NHLRC2: variants seen among roughly 807,000 people sequenced by gnomAD.
NHLRC2 encodes the protein NHL repeat-containing protein 2.
Under a neutral mutation model 68.1 loss-of-function variants are expected in NHLRC2, and 33 were observed. That is an observed-to-expected ratio of 0.48 (90% CI 0.37 to 0.65). The LOEUF is 0.65. Among genes scored for constraint, NHLRC2 ranks in the 30% least tolerant of loss-of-function variants. The pLI, the probability that NHLRC2 is intolerant of heterozygous loss-of-function variation, is 0.00. For synonymous variants in NHLRC2, 311 were observed against 309.6 expected (o/e 1.00, Z -0.05); for missense variants, 761 against 853.8 (o/e 0.89, Z 1.35).
chr10:113,891,520 C>T (rs1846131244), intron 5 of NHLRC2, among the ~76,000 whole-genome samples: 1 of 152,102 alleles, frequency 6.6e-6, no homozygotes. Context: ...TGAGCTGGGC[C>T]TTGGTTTTAT....
At chr10:113,881,174 G>A (rs1408189195) in intron 4 of NHLRC2, among the ~76,000 whole-genome samples, 1 of 151,866 alleles carries the variant, frequency 6.6e-6, no homozygotes, top group Non-Finnish European at 1.5e-5. Flanking sequence ...CTCTAATGGT[G>A]TATTGAATTA....
At chr10:113,894,191 G>A (rs1031823192) in intron 5 of NHLRC2, among the ~76,000 whole-genome samples, 11 of 152,152 alleles carry the variant, frequency 7.2e-5, no homozygotes, top group African/African-American at 2.7e-4. Context: ...AAAGGATGGA[G>A]TCCTTTTATT....
In NHLRC2 at chr10:113,882,829, T is replaced by A. The variant is rs181598282; in HGVS notation, c.910-1422T>A. On this transcript the variant is annotated intron_variant, in intron 4 of 10. Transcript: ENST00000369301. ...AAAAGTCTTTTAGTTATGGCTCTTA[T>A]AATTAGGTCTTTGATCCATTTTGAG... Among the ~76,000 whole-genome samples, 489 of 151,990 alleles carry A rather than the reference T, an allele frequency of 3.2e-3. 2 individuals carry two copies. Among genetic ancestry groups the A allele is most frequent in the African/African-American group, 0.011 (468 of 41,552 alleles).
At chr10:113,902,808 T>C (rs748576148) in intron 8 of NHLRC2, among the ~76,000 whole-genome samples, 6 of 152,206 alleles carry the variant, frequency 3.9e-5, no homozygotes, top group Non-Finnish European at 8.8e-5. Flanking sequence ...ACAGAACCAG[T>C]TCCAATGGCA....
chr10:113,875,952 A>G (rs1417523226), intron 2 of NHLRC2, among the ~76,000 whole-genome samples: 1 of 150,106 alleles, frequency 6.7e-6, no homozygotes, highest in Non-Finnish European at 1.5e-5. Context: ...GAAATAATGT[A>G]TTGATTAGAT....
At chr10:113,892,468 A>G (rs138117372) in intron 5 of NHLRC2, among the ~76,000 whole-genome samples, 18 of 152,198 alleles carry the variant, frequency 1.2e-4, no homozygotes, top group Non-Finnish European at 2.2e-4. Context: ...AGGTGTAAGT[A>G]TACTCTTAAT....
intron 5 of NHLRC2, among the ~76,000 whole-genome samples, chr10:113,897,446 A>G (rs922107210): frequency 7.2e-5 from 11 of 152,224 alleles, no homozygotes; most frequent in African/African-American, 2.7e-4. Flanking sequence ...TCCTAGTACA[A>G]ATATGTAAAA....
intron 2 of NHLRC2, among the ~76,000 whole-genome samples, chr10:113,874,805 G>A (rs1370727228): frequency 6.6e-6 from 1 of 151,556 alleles, no homozygotes; most frequent in Non-Finnish European, 1.5e-5. Flanking sequence ...CTGTCTTCAG[G>A]TTCATTAACC....
At chr10:113,868,002 A>G (rs971119419) in intron 2 of NHLRC2, among the ~76,000 whole-genome samples, 6 of 152,148 alleles carry the variant, frequency 3.9e-5, no homozygotes, top group African/African-American at 1.4e-4. Flanking sequence ...TTTGTTGGTT[A>G]GTCAGAGACA....
chr10:113,876,702 T>C lies in NHLRC2; in HGVS notation c.513T>C (p.Arg171=), dbSNP rs1317762838. The C allele has an allele frequency of 2.5e-6, 4 of 1,613,982 alleles. No individual in the cohort carries two copies. In the South Asian group the frequency reaches 4.4e-5, roughly 18 times the overall value. ...CAACTCTAGTCATACTTGGACCTCG[T>C]GGAAACATGTTGTTTTCTTTGATTG... ...CWPTLVILGP[R]GNMLFSLIGE... is the part of the protein sequence containing the mutation. The change falls in exon 3 of 11, where the codon CGT becomes CGC. Residue 171 remains arginine, a synonymous_variant. Transcript: ENST00000369301.
In NHLRC2 at chr10:113,908,287, A is replaced by T; in HGVS notation, c.1932A>T (p.Glu644Asp). The change falls in exon 11 of 11, where the codon GAA becomes GAT. Residue 644 changes from glutamate to aspartate, a missense_variant. Physicochemically the swap from Glu to Asp is conservative, Grantham distance 45. Coordinates refer to ENST00000369301, the MANE Select transcript of NHLRC2 (RefSeq NM_198514.4). ...SCWFLTAEGN[E>D]WLLQGQIAAG... ...TTCATTTTTGATTTTTAGGCAATGA[A>T]TGGCTACTTCAAGGACAGATAGCAG... 1 of 1,613,128 alleles carries T rather than the reference A, an allele frequency of 6.2e-7. No homozygotes were observed.
At position 113,915,312 on chromosome 10, in the gene NHLRC2, C is replaced by G. The variant is rs1247371623; in HGVS notation, c.*6776C>G. ...AAAGCACTAAACAAGCACAAATGAACACTAAATAGCCTTATACCAAAAAGC... is the reference window on the plus strand; with the variant it reads ...AAAGCACTAAACAAGCACAAATGAAGACTAAATAGCCTTATACCAAAAAGC... On this transcript the variant is annotated 3_prime_UTR_variant, in exon 11 of 11. Coordinates refer to ENST00000369301, the MANE Select transcript of NHLRC2 (RefSeq NM_198514.4). 2.2e-6 allele frequency: 1 copy of G among 445,182 alleles called. No individual in the cohort carries two copies. The highest frequency in any genetic ancestry group is 1.6e-5 in the South Asian group (1 of 62,314). 27.6% of individuals were successfully genotyped at this position (445,182 alleles called of 1,614,324 possible). A position where few individuals can be genotyped will look rare whatever the true frequency, so the allele number is the denominator to read the frequency against.
intron 10 of NHLRC2, 95 bp downstream of exon 10, chr10:113,905,131 T>C: frequency 1.7e-6 from 1 of 602,824 alleles, no homozygotes; most frequent in East Asian, 3.2e-5. Context: ...TTACTCTGTA[T>C]AGGCAAGATT....
chr10:113,897,638 G>T (rs1482176184), intron 5 of NHLRC2, among the ~76,000 whole-genome samples: 1 of 152,158 alleles, frequency 6.6e-6, no homozygotes, highest in Non-Finnish European at 1.5e-5. Context: ...TGTGGCTCTA[G>T]AATAACTGAA....
In NHLRC2 at chr10:113,857,748, CATTAAT is replaced by C. The variant is rs1281032915; in HGVS notation, c.179-773_179-768del. Among the ~76,000 whole-genome samples, 3 of 152,048 alleles carry C rather than the reference CATTAAT, an allele frequency of 2.0e-5. No individual in the cohort carries two copies. In the East Asian group the frequency reaches 5.8e-4, roughly 29 times the overall value. ...TTTGGAGGAAAGGGAACACGTTCTT[CATTAAT>C]ATTAATGTTACCTCAATGAAATCTG... On this transcript the variant is annotated intron_variant, in intron 1 of 10. Coordinates refer to ENST00000369301, the MANE Select transcript of NHLRC2 (RefSeq NM_198514.4).
chr10:113,858,084 C>A (rs1197676336), intron 1 of NHLRC2, among the ~76,000 whole-genome samples: 1 of 147,082 alleles, frequency 6.8e-6, no homozygotes, highest in African/African-American at 2.5e-5. Flanking sequence ...TGCCTTTACT[C>A]CTTTTCACAG....
intron 10 of NHLRC2, among the ~76,000 whole-genome samples, chr10:113,907,877 C>T (rs894376052): frequency 6.6e-5 from 10 of 152,032 alleles, no homozygotes; most frequent in East Asian, 1.9e-4. Context: ...TTTTTATATC[C>T]CTAAAGACTT....
At chr10:113,888,319 CCA>C (rs1846100853) in intron 5 of NHLRC2, among the ~76,000 whole-genome samples, 1 of 151,962 alleles carries the variant, frequency 6.6e-6, no homozygotes, top group African/African-American at 2.4e-5. Context: ...AACATTTGCA[CCA>C]CACAGAAAAA....
Position 113,901,680 on chromosome 10 carries a change from G to A in NHLRC2, c.1154G>A (p.Gly385Glu). ...KLPKKNELTKGTCLRFAGSGN... is the reference protein window; with the variant it reads ...KLPKKNELTKETCLRFAGSGN... ...GTCTTTTTCAGTGAGTTAACAAAAGGAACCTGCCTTAGGTTTGCTGGAAGT... is the reference window on the plus strand; with the variant it reads ...GTCTTTTTCAGTGAGTTAACAAAAGAAACCTGCCTTAGGTTTGCTGGAAGT... The change falls in exon 7 of 11, where the codon GGA becomes GAA. Residue 385 changes from glycine to glutamate, a missense_variant. Gly to Glu is a moderately conservative substitution (Grantham distance 98). Transcript: ENST00000369301. 6.2e-7 allele frequency: 1 copy of A among 1,613,520 alleles called. No homozygotes were observed. Among genetic ancestry groups the A allele is most frequent in the Non-Finnish European group, 8.5e-7 (1 of 1,179,492 alleles).
Sources: allele counts gnomAD v4.1 joint callset (sites outside exome capture counted in the v4.1 genomes callset), GRCh38; gene constraint gnomAD v4.1.1; transcripts MANE v1.5; gene names NCBI Gene and HGNC (gene_info 2026-07-23, HGNC 2026-07-21).